Variants in WDR27 observed in about 807,000 individuals in gnomAD.
WDR27 encodes WD repeat-containing protein 27.
Under a neutral mutation model 114.4 loss-of-function variants are expected in WDR27, and 100 were observed. That is an observed-to-expected ratio of 0.87 (90% CI 0.74 to 1.03). The LOEUF (loss-of-function observed/expected upper bound fraction) is 1.03. Among genes scored for constraint, WDR27 ranks in the 50% least tolerant of loss-of-function variants. The probability of loss-of-function intolerance (pLI) is 0.00; values close to 1 mark genes in which losing one functional copy is unlikely to be tolerated. For synonymous variants in WDR27, 449 were observed against 423.1 expected (o/e 1.06, Z -0.75); for missense variants, 1,129 against 1,092.9 (o/e 1.03, Z -0.47).
At chr6:169,670,757 A>G in intron 3 of WDR27, 64 bp from the exon 4 acceptor site, 2 of 1,584,932 alleles carry the variant, frequency 1.3e-6, no homozygotes, top group South Asian at 1.1e-5. Flanking sequence ...TTAATCTGAG[A>G]AAAGTACTGA....
the WDR27 span, chr6:169,426,431 C>T: frequency 6.6e-6 from 1 of 152,106 alleles, no homozygotes; most frequent in Non-Finnish European, 1.5e-5. Context: ...TTTGACAAGC[C>T]CCTTATTAAC....
At chr6:169,591,571 G>A (rs1805748829) in intron 23 of WDR27, among the ~76,000 whole-genome samples, 1 of 152,122 alleles carries the variant, frequency 6.6e-6, no homozygotes, top group South Asian at 2.1e-4. Context: ...CTCCAAATGG[G>A]GACCAATGAC....
chr6:169,476,827 G>A (rs547484025), intron 25 of WDR27, among the ~76,000 whole-genome samples: 24 of 152,220 alleles, frequency 1.6e-4, no homozygotes, highest in African/African-American at 5.8e-4. Context: ...AGTTATAATA[G>A]CATAATAATT....
downstream of WDR27, among the ~76,000 whole-genome samples, chr6:169,455,270 G>A (rs1463344093): frequency 6.6e-6 from 1 of 152,204 alleles, no homozygotes; most frequent in Non-Finnish European, 1.5e-5. Context: ...CTGTGGCACA[G>A]CTCTTGATAA....
rs372781921 is a variant in WDR27, at chr6:169,668,045, C to T, written c.597G>A (p.Ala199=). The change falls in exon 5 of 26, where the codon GCG becomes GCA. Residue 199 remains alanine (A), a synonymous_variant. Transcript: ENST00000448612. Reference sequence around the variant, plus strand: ...CTGCTCGCCAGGGACAGAACTCCACCGCAGTCACCGGGCCCAGGTGGCCCT... The same window carrying T: ...CTGCTCGCCAGGGACAGAACTCCACTGCAGTCACCGGGCCCAGGTGGCCCT... ...ELQGHLGPVT[A]VEFCPWRAGT... 147 of 1,613,900 alleles carry T rather than the reference C, an allele frequency of 9.1e-5. No individual in the cohort carries two copies. Among genetic ancestry groups the T allele is most frequent in the Non-Finnish European group, 1.1e-4 (131 of 1,179,906 alleles).
intron 25 of WDR27, among the ~76,000 whole-genome samples, chr6:169,489,281 AG>A (rs1789402334): frequency 6.6e-6 from 1 of 152,206 alleles, no homozygotes; most frequent in Non-Finnish European, 1.5e-5. Context: ...GTCTCAAGCA[AG>A]TACTTTTCTT....
intron 16 of WDR27, 141 bp from the exon 17 acceptor site, chr6:169,643,927 CA>C (rs1562792706): frequency 1.5e-5 from 9 of 615,912 alleles, no homozygotes; most frequent in African/African-American, 1.1e-4. Context: ...GCCTAGTTCA[CA>C]AGAGTCACAC....
chr6:169,478,932 C>T (rs539339696), intron 25 of WDR27, among the ~76,000 whole-genome samples: 6 of 152,220 alleles, frequency 3.9e-5, no homozygotes, highest in East Asian at 1.9e-4. Flanking sequence ...AAGATTTAAA[C>T]GTAAGACTGT....
At chr6:169,681,608 A>G (rs564128684) in intron 2 of WDR27, among the ~76,000 whole-genome samples, 25 of 152,316 alleles carry the variant, frequency 1.6e-4, no homozygotes, top group Admixed American at 5.9e-4. Context: ...CACACACTCT[A>G]CTAACTGATG....
At chr6:169,630,782 T>C (rs1278615101) in intron 21 of WDR27, among the ~76,000 whole-genome samples, 1 of 152,120 alleles carries the variant, frequency 6.6e-6, no homozygotes, top group African/African-American at 2.4e-5. Context: ...TAATCCCAGC[T>C]ACTCGGGAGC....
At chr6:169,547,062 A>G (rs1387046558) in intron 25 of WDR27, among the ~76,000 whole-genome samples, 1 of 152,210 alleles carries the variant, frequency 6.6e-6, no homozygotes, top group Non-Finnish European at 1.5e-5. Flanking sequence ...CTTTATGCCC[A>G]TAAATATGAT....
chr6:169,551,514 T>C (rs1378291397), intron 25 of WDR27, among the ~76,000 whole-genome samples: 2 of 151,926 alleles, frequency 1.3e-5, no homozygotes, highest in African/African-American at 4.8e-5. Context: ...GTGGATGGAT[T>C]ACCTGAGGTC....
chr6:169,457,505 C>G lies in WDR27; in HGVS notation c.*87G>C, dbSNP rs776646434. 9.0e-5 allele frequency: 104 copies of G among 1,160,248 alleles called. No homozygotes were observed. Among genetic ancestry groups the G allele is most frequent in the Non-Finnish European group, 1.2e-4 (99 of 832,786 alleles). The allele number at this position is 1,160,248 out of a possible 1,614,324, so 71.9% of individuals were successfully genotyped here. ...ATGAAAAACAGTTGCTGCTTCTGGCCCCCTGATGGATGAACCACTACTTCT... is the reference window on the plus strand; with the variant it reads ...ATGAAAAACAGTTGCTGCTTCTGGCGCCCTGATGGATGAACCACTACTTCT... On this transcript the variant is annotated 3_prime_UTR_variant, in exon 26 of 26. Transcript: ENST00000448612.
At chr6:169,616,403 G>A (rs996848122) in intron 21 of WDR27, among the ~76,000 whole-genome samples, 53 of 152,078 alleles carry the variant, frequency 3.5e-4, no homozygotes, top group Admixed American at 7.2e-4. Flanking sequence ...CAGGAGAATC[G>A]CTTGAACCCA....
At chr6:169,680,524 G>A (rs10455749) in intron 2 of WDR27, among the ~76,000 whole-genome samples, 1 of 152,202 alleles carries the variant, frequency 6.6e-6, no homozygotes, top group Admixed American at 6.5e-5. Flanking sequence ...GGAGCTTGCA[G>A]TGAGCCAAGA....
intron 25 of WDR27, among the ~76,000 whole-genome samples, chr6:169,565,765 T>C (rs1800362221): frequency 6.6e-6 from 1 of 152,196 alleles, no homozygotes; most frequent in South Asian, 2.1e-4. Flanking sequence ...AGCATCGACC[T>C]CCCAGGCTCC....
chr6:169,433,499 A>T, the WDR27 span, among the ~76,000 whole-genome samples: 1 of 152,166 alleles, frequency 6.6e-6, no homozygotes, highest in Admixed American at 6.5e-5. Context: ...ATTGATGGGC[A>T]TTTGGGTTAG....
intron 21 of WDR27, among the ~76,000 whole-genome samples, chr6:169,624,539 C>G (rs1294724605): frequency 1.3e-5 from 2 of 152,194 alleles, no homozygotes; most frequent in African/African-American, 2.4e-5. Flanking sequence ...TCCCCCTCAG[C>G]CCAGCCAGGG....
intron 13 of WDR27, 68 bp from the exon 14 acceptor site, chr6:169,652,076 G>T: frequency 1.4e-6 from 2 of 1,383,974 alleles, no homozygotes; most frequent in Non-Finnish European, 2.0e-6. Context: ...GACATGAGAA[G>T]AACAGAGTCT....
Sources: gnomAD v4.1 joint callset for allele counts (sites outside exome capture counted in the v4.1 genomes callset) on GRCh38, gnomAD v4.1.1 for gene constraint, MANE v1.5 for transcripts, NCBI Gene and HGNC (gene_info 2026-07-23, HGNC 2026-07-21) for gene names.